SMARCC1: variants seen among roughly 807,000 people sequenced by gnomAD.
SMARCC1 encodes the protein SWI/SNF complex subunit SMARCC1.
A neutral mutation model predicts 147.4 loss-of-function variants in SMARCC1; 43 were observed. The ratio of observed to expected loss-of-function variants is 0.29; its 90% CI spans 0.23 to 0.38. SMARCC1 has a LOEUF of 0.38. Among genes scored for constraint, SMARCC1 ranks in the 10% least tolerant of loss-of-function variants. The pLI is 1.00. For missense variants in SMARCC1, 1,119 were observed against 1,381.1 expected (o/e 0.81, Z 3.01); for synonymous variants, 495 against 484.4 (o/e 1.02, Z -0.29).
chr3:47,671,657 T>TC (rs2033504143), intron 18 of SMARCC1, among the ~76,000 whole-genome samples: 1 of 152,222 alleles, frequency 6.6e-6, no homozygotes, highest in South Asian at 2.1e-4. Context: ...AATTCATACT[T>TC]CTTTATCTGC....
At chr3:47,724,056 G>A (rs768538294) in intron 6 of SMARCC1, among the ~76,000 whole-genome samples, 55 of 152,222 alleles carry the variant, frequency 3.6e-4, no homozygotes, top group African/African-American at 5.5e-4. Context: ...ATTGCGCACC[G>A]TTGGTGAGTA....
intron 10 of SMARCC1, among the ~76,000 whole-genome samples, chr3:47,705,879 TA>T (rs1311299240): frequency 6.6e-6 from 1 of 152,210 alleles, no homozygotes; most frequent in East Asian, 1.9e-4. Flanking sequence ...GCAAAGGCTT[TA>T]AAGTCTCATT....
At chr3:47,623,897 T>G (rs1409876997) in intron 24 of SMARCC1, among the ~76,000 whole-genome samples, 1 of 151,338 alleles carries the variant, frequency 6.6e-6, no homozygotes, top group Non-Finnish European at 1.5e-5. Flanking sequence ...TTTTTTTTTT[T>G]GAGATTTATG....
At chr3:47,678,494 CA>C in intron 15 of SMARCC1, 183 bp from the exon 16 acceptor site, 1 of 408,664 alleles carries the variant, frequency 2.4e-6, no homozygotes. Context: ...CACGAATATG[CA>C]AAACAACTGT....
chr3:47,734,998 G>A (rs1362328379), intron 5 of SMARCC1, among the ~76,000 whole-genome samples: 4 of 151,972 alleles, frequency 2.6e-5, no homozygotes, highest in South Asian at 2.1e-4. Context: ...CTCGTGATCC[G>A]CCCGCCTTGG....
intron 12 of SMARCC1, among the ~76,000 whole-genome samples, chr3:47,691,548 A>G (rs1297634359): frequency 1.3e-5 from 2 of 152,128 alleles, no homozygotes; most frequent in Non-Finnish European, 2.9e-5. Flanking sequence ...TGGGAAGTGG[A>G]GGTTGCAGTG....
intron 4 of SMARCC1, among the ~76,000 whole-genome samples, chr3:47,736,601 G>A (rs2034447116): frequency 1.3e-5 from 2 of 151,276 alleles, no homozygotes; most frequent in South Asian, 2.1e-4. Context: ...GCGTGAACCC[G>A]GGAGGTTGGA....
At chr3:47,772,012 T>A (rs138785280) in intron 2 of SMARCC1, among the ~76,000 whole-genome samples, 2 of 151,914 alleles carry the variant, frequency 1.3e-5, no homozygotes, top group African/African-American at 4.8e-5. Flanking sequence ...CAGGTTGCAG[T>A]GAGCCGAAAT....
At chr3:47,682,115 G>A (rs2033651329) in intron 14 of SMARCC1, among the ~76,000 whole-genome samples, 1 of 151,158 alleles carries the variant, frequency 6.6e-6, no homozygotes, top group Non-Finnish European at 1.5e-5. Context: ...GTAGCATGGT[G>A]AAACCCCGTC....
At chr3:47,650,301 T>TAATA (rs56812175) in intron 21 of SMARCC1, among the ~76,000 whole-genome samples, 4,018 of 129,324 alleles carry the variant, frequency 0.031, 76 homozygotes, top group Non-Finnish European at 0.036. Flanking sequence ...TAATAATAAT[T>TAATA]ATTATTATTA....
intron 11 of SMARCC1, among the ~76,000 whole-genome samples, chr3:47,698,098 T>C (rs1043343706): frequency 7.3e-5 from 8 of 109,078 alleles, no homozygotes; most frequent in Non-Finnish European, 1.2e-4. Context: ...CAATCAAATA[T>C]AGCCAACACA....
At chr3:47,647,851 A>G (rs1476171114) in intron 21 of SMARCC1, among the ~76,000 whole-genome samples, 4 of 152,150 alleles carry the variant, frequency 2.6e-5, no homozygotes, top group African/African-American at 9.7e-5. Flanking sequence ...TATTCTTTCC[A>G]TGTCCTTATT....
intron 6 of SMARCC1, among the ~76,000 whole-genome samples, chr3:47,725,232 A>G (rs1417367856): frequency 6.6e-6 from 1 of 151,968 alleles, no homozygotes; most frequent in African/African-American, 2.4e-5. Flanking sequence ...ATCGTATGTC[A>G]TCATGCTTTC....
Position 47,585,519 on chromosome 3 carries a change from T to G in SMARCC1, c.*2690A>C, listed in dbSNP as rs768965026. The G allele has an allele frequency of 6.6e-6, 1 of 152,226 alleles. No individual in the cohort carries two copies. Among genetic ancestry groups the G allele is most frequent in the Non-Finnish European group, 1.5e-5 (1 of 68,036 alleles). 9.4% of individuals were successfully genotyped at this position (152,226 alleles called of 1,614,324 possible). A position where few individuals can be genotyped will look rare whatever the true frequency, so the allele number is the denominator to read the frequency against. ...TTTATATCTGTGAGTACCCAAAAGC[T>G]GTCCCCCAAGGTTCACAGAATCTTC... On this transcript the variant is annotated 3_prime_UTR_variant, in exon 28 of 28. Coordinates refer to ENST00000254480, the MANE Select transcript of SMARCC1 (RefSeq NM_003074.4).
At chr3:47,678,406 A>G in intron 15 of SMARCC1, 95 bp from the exon 16 acceptor site, 1 of 556,780 alleles carries the variant, frequency 1.8e-6, no homozygotes, top group Non-Finnish European at 3.2e-6. Flanking sequence ...CCTTAAAAAT[A>G]CAACAACAAA....
intron 6 of SMARCC1, among the ~76,000 whole-genome samples, chr3:47,726,943 C>T (rs1312930826): frequency 9.2e-5 from 14 of 151,926 alleles, no homozygotes; most frequent in African/African-American, 3.4e-4. Flanking sequence ...GGAGTGGTGA[C>T]TCACGCCTCT....
At chr3:47,764,397 GGAGA>G (rs1559666682) in intron 2 of SMARCC1, among the ~76,000 whole-genome samples, 1 of 151,622 alleles carries the variant, frequency 6.6e-6, no homozygotes, top group Non-Finnish European at 1.5e-5. Context: ...CACATTACAG[GGAGA>G]GAGAGAAAGA....
intron 12 of SMARCC1, 32 bp from the exon 13 acceptor site, chr3:47,689,456 A>C (rs2033766028): frequency 6.3e-7 from 1 of 1,587,288 alleles, no homozygotes; most frequent in Non-Finnish European, 8.7e-7. Context: ...TTCATTTTAA[A>C]AACAGGTAAA....
In SMARCC1 at chr3:47,663,863, G is replaced by A. The variant is rs536495923; in HGVS notation, c.1900-1271C>T. ...TCAGCTCATGATGTGCACCTGGATCGCCGCCCAGGGTTTCACGGTCACAGC... is the reference window on the plus strand; with the variant it reads ...TCAGCTCATGATGTGCACCTGGATCACCGCCCAGGGTTTCACGGTCACAGC... On this transcript the variant is annotated intron_variant, in intron 19 of 27. Transcript: ENST00000254480. The A allele has an allele frequency of 3.6e-5, 56 of 1,538,326 alleles. 1 individual carries two copies. The South Asian group carries it at 5.5e-4, about 15-fold the overall frequency.
Sources: allele counts gnomAD v4.1 joint callset (sites outside exome capture counted in the v4.1 genomes callset), GRCh38; gene constraint gnomAD v4.1.1; transcripts MANE v1.5; gene names NCBI Gene and HGNC (gene_info 2026-07-23, HGNC 2026-07-21).